LPP: variants seen among roughly 807,000 people sequenced by gnomAD.
The protein encoded by LPP is LIM domain containing preferred translocation partner in lipoma.
Under a neutral mutation model 60.4 loss-of-function variants are expected in LPP, and 38 were observed. The observed-to-expected ratio is 0.63, with a 90% CI of 0.49 to 0.83. LPP has a LOEUF of 0.83. LPP is among the 40% of genes least tolerant of loss of function. The pLI is 0.00. For synonymous variants in LPP, 328 were observed against 290.8 expected (o/e 1.13, Z -1.30); for missense variants, 902 against 783.6 (o/e 1.15, Z -1.80).
intron 2 of LPP, among the ~76,000 whole-genome samples, chr3:188,228,180 T>G (rs1352836409): frequency 6.6e-6 from 1 of 152,076 alleles, no homozygotes; most frequent in Non-Finnish European, 1.5e-5. Context: ...AACCAAGAAG[T>G]GTTACGGGAA....
intron 4 of LPP, among the ~76,000 whole-genome samples, chr3:188,476,002 C>T (rs1803104325): frequency 6.6e-6 from 1 of 152,096 alleles, no homozygotes; most frequent in African/African-American, 2.4e-5. Flanking sequence ...TAAGTCTTTC[C>T]CCAAATATCA....
At chr3:188,240,213 A>C in intron 2 of LPP, 1 of 178,460 alleles carries the variant, frequency 5.6e-6, no homozygotes, top group East Asian at 9.4e-5. Context: ...CCTTTCATAA[A>C]CTAATTTAAA....
At position 188,538,575 on chromosome 3, in the gene LPP, C is replaced by T. The variant is rs146054840; in HGVS notation, c.429+13788C>T. Reference sequence around the variant, plus strand: ...TGGTAGAGAAATTGAAAACATCATACGTTGCTGGTGGATTGTAAAATGGCA... The same window carrying T: ...TGGTAGAGAAATTGAAAACATCATATGTTGCTGGTGGATTGTAAAATGGCA... On this transcript the variant is annotated intron_variant, in intron 6 of 11. Coordinates refer to ENST00000617246, the MANE Select transcript of LPP (RefSeq NM_001375462.1). 5.0e-3 allele frequency among the ~76,000 whole-genome samples: 762 copies of T among 152,294 alleles called. 8 individuals carry two copies. Among genetic ancestry groups the T allele is most frequent in the African/African-American group, 0.018 (738 of 41,574 alleles).
intron 4 of LPP, among the ~76,000 whole-genome samples, chr3:188,484,018 T>C (rs939402692): frequency 1.3e-5 from 2 of 152,210 alleles, no homozygotes; most frequent in African/African-American, 4.8e-5. Flanking sequence ...ATGTTTTTCC[T>C]ATGTCATGAC....
At chr3:188,770,642 G>A (rs1157193130) in intron 9 of LPP, among the ~76,000 whole-genome samples, 2 of 152,152 alleles carry the variant, frequency 1.3e-5, no homozygotes, top group Non-Finnish European at 2.9e-5. Flanking sequence ...TGGCAGAGAA[G>A]AGAGTGTGTG....
At chr3:188,611,039 C>A (rs1843609270) in intron 7 of LPP, among the ~76,000 whole-genome samples, 1 of 152,146 alleles carries the variant, frequency 6.6e-6, no homozygotes, top group East Asian at 1.9e-4. Context: ...AACATTGTAT[C>A]AAAAATTTCC....
chr3:188,562,731 A>G (rs1831035255), intron 6 of LPP, among the ~76,000 whole-genome samples: 1 of 151,958 alleles, frequency 6.6e-6, no homozygotes, highest in Non-Finnish European at 1.5e-5. Flanking sequence ...TTTGAACTGA[A>G]CCCACTCATT....
At chr3:188,574,528 AG>A (rs1834172355) in intron 6 of LPP, among the ~76,000 whole-genome samples, 1 of 152,182 alleles carries the variant, frequency 6.6e-6, no homozygotes, top group Non-Finnish European at 1.5e-5. Flanking sequence ...ACTTGATTCA[AG>A]AATAGTATCT....
intron 4 of LPP, among the ~76,000 whole-genome samples, chr3:188,407,791 T>TTTTTTTTTTTTTTTTTTTG (rs1783984681): frequency 1.5e-4 from 5 of 34,164 alleles, no homozygotes; most frequent in African/African-American, 2.4e-4. Flanking sequence ...TTTGTTTGTT[T>TTTTTTTTTTTTTTTTTTTG]TTTTTTTTTT....
At chr3:188,675,108 T>C (rs993057123) in intron 7 of LPP, among the ~76,000 whole-genome samples, 2 of 152,120 alleles carry the variant, frequency 1.3e-5, no homozygotes, top group Non-Finnish European at 2.9e-5. Context: ...ATGAGTATAA[T>C]ACAAAAGAAG....
At chr3:188,528,356 C>T (rs554515732) in intron 6 of LPP, among the ~76,000 whole-genome samples, 3 of 150,950 alleles carry the variant, frequency 2.0e-5, no homozygotes, top group East Asian at 4.0e-4. Context: ...TTTTTTTAAA[C>T]GGAGCTTTCA....
At chr3:188,863,955 T>TAAAAAAAAAAAAAAA (rs58464588) in intron 9 of LPP, among the ~76,000 whole-genome samples, 1 of 108,724 alleles carries the variant, frequency 9.2e-6, no homozygotes. Flanking sequence ...CAGGGCTGAC[T>TAAAAAAAAAAAAAAA]AAAAAAAAAA....
intron 8 of LPP, among the ~76,000 whole-genome samples, chr3:188,716,287 G>A (rs1234467545): frequency 3.3e-5 from 5 of 152,196 alleles, no homozygotes; most frequent in Non-Finnish European, 5.9e-5. Context: ...GAGAAGAAAG[G>A]CGTTAACATG....
chr3:188,302,082 G>C (rs1056515225), intron 2 of LPP, among the ~76,000 whole-genome samples: 1 of 152,044 alleles, frequency 6.6e-6, no homozygotes, highest in East Asian at 1.9e-4. Context: ...CTTGGAACTT[G>C]ATTTTGGACA....
intron 2 of LPP, among the ~76,000 whole-genome samples, chr3:188,291,969 A>C (rs983519298): frequency 2.6e-5 from 4 of 152,200 alleles, no homozygotes; most frequent in African/African-American, 9.7e-5. Context: ...ATAGAGTTGT[A>C]ATATATCTTA....
chr3:188,196,727 C>T lies in LPP; in HGVS notation c.-189-28678C>T, dbSNP rs184938788. On this transcript the variant is annotated intron_variant, in intron 1 of 11. Coordinates refer to ENST00000617246, the MANE Select transcript of LPP (RefSeq NM_001375462.1). ...AGAATCCTTTGCATGAATTAAGGGACAGGAATGGAAAGAGGCAGGAAGTGG... is the reference window on the plus strand; with the variant it reads ...AGAATCCTTTGCATGAATTAAGGGATAGGAATGGAAAGAGGCAGGAAGTGG... Among the ~76,000 whole-genome samples, 13 of 152,306 alleles carry T rather than the reference C, an allele frequency of 8.5e-5. No homozygotes were observed. In the East Asian group the frequency reaches 2.3e-3, roughly 27 times the overall value.
intron 7 of LPP, among the ~76,000 whole-genome samples, chr3:188,613,244 A>ATATATCTATACC (rs1844080722): frequency 2.2e-5 from 2 of 89,040 alleles, no homozygotes; most frequent in Non-Finnish European, 5.5e-5. Flanking sequence ...TGTGCATTTT[A>ATATATCTATACC]TATATCTATA....
intron 2 of LPP, among the ~76,000 whole-genome samples, chr3:188,259,995 A>G (rs1225242841): frequency 3.3e-5 from 5 of 152,096 alleles, no homozygotes; most frequent in African/African-American, 1.2e-4. Flanking sequence ...GTTAAAGAAG[A>G]AAATAAAAAT....
intron 3 of LPP, among the ~76,000 whole-genome samples, chr3:188,387,402 C>A (rs959061608): frequency 2.6e-5 from 4 of 152,022 alleles, no homozygotes; most frequent in African/African-American, 9.7e-5. Flanking sequence ...TGAATGATTA[C>A]AATTTTAATA....
Sources: allele counts gnomAD v4.1 joint callset (sites outside exome capture counted in the v4.1 genomes callset), GRCh38; gene constraint gnomAD v4.1.1; transcripts MANE v1.5; gene names NCBI Gene and HGNC (gene_info 2026-07-23, HGNC 2026-07-21).